AUTS2: variants seen among roughly 807,000 people sequenced by gnomAD.
AUTS2 encodes the protein activator of transcription and developmental regulator AUTS2.
A neutral mutation model predicts 112.4 loss-of-function variants in AUTS2; 17 were observed. The observed-to-expected ratio is 0.15, with a 90% CI of 0.10 to 0.23. The LOEUF is 0.23. Ranked by LOEUF, AUTS2 falls within the 10% of genes least tolerant of loss-of-function variation. The pLI, the probability that AUTS2 is intolerant of heterozygous loss-of-function variation, is 1.00. For missense variants in AUTS2, 1,510 were observed against 1,701.6 expected, an observed-to-expected ratio of 0.89 and a Z score of 1.98; for synonymous variants, 751 against 702.7, an observed-to-expected ratio of 1.07 and a Z score of -1.09.
intron 1 of AUTS2, among the ~76,000 whole-genome samples, chr7:69,649,256 G>A (rs1171300057): frequency 2.0e-5 from 3 of 152,164 alleles, no homozygotes; most frequent in Non-Finnish European, 4.4e-5. Context: ...AACAAAAACG[G>A]AGTTTGTCTT....
chr7:70,177,165 T>G (rs1809032405), intron 4 of AUTS2, among the ~76,000 whole-genome samples: 1 of 152,226 alleles, frequency 6.6e-6, no homozygotes, highest in African/African-American at 2.4e-5. Context: ...ATTTTATAAA[T>G]AATAGTAATC....
chr7:70,560,412 G>T (rs1801434395), intron 5 of AUTS2, among the ~76,000 whole-genome samples: 1 of 152,168 alleles, frequency 6.6e-6, no homozygotes, highest in Non-Finnish European at 1.5e-5. Context: ...TATCTGATGT[G>T]CCTCCAATGG....
chr7:69,911,426 G>C (rs1189264172), intron 2 of AUTS2, among the ~76,000 whole-genome samples: 1 of 152,294 alleles, frequency 6.6e-6, no homozygotes, highest in African/African-American at 2.4e-5. Flanking sequence ...TGGCGAGCAG[G>C]GGGGAAAGTG....
intron 5 of AUTS2, among the ~76,000 whole-genome samples, chr7:70,482,075 T>C (rs1797810486): frequency 6.6e-6 from 1 of 152,188 alleles, no homozygotes; most frequent in South Asian, 2.1e-4. Flanking sequence ...AGACCTAACC[T>C]TTCCATGGGA....
intron 2 of AUTS2, among the ~76,000 whole-genome samples, chr7:69,928,314 A>C (rs1455360838): frequency 6.6e-6 from 1 of 152,156 alleles, no homozygotes; most frequent in Non-Finnish European, 1.5e-5. Flanking sequence ...TATGGACTCC[A>C]CTCAGAACTG....
chr7:70,465,803 T>C (rs575663790), intron 5 of AUTS2, among the ~76,000 whole-genome samples: 2 of 152,232 alleles, frequency 1.3e-5, no homozygotes, highest in East Asian at 3.9e-4. Context: ...CTGGTCTTGC[T>C]CCAGGAGGCA....
At chr7:69,809,400 C>G (rs1286599628) in intron 1 of AUTS2, among the ~76,000 whole-genome samples, 1 of 152,170 alleles carries the variant, frequency 6.6e-6, no homozygotes, top group African/African-American at 2.4e-5. Flanking sequence ...CATTTTCTTA[C>G]CTTCCCATTC....
At chr7:70,430,142 C>T (rs1045289419) in intron 4 of AUTS2, among the ~76,000 whole-genome samples, 22 of 152,216 alleles carry the variant, frequency 1.4e-4, no homozygotes, top group South Asian at 4.1e-4. Context: ...GAATCAATAA[C>T]GTGGGGTGAG....
intron 5 of AUTS2, among the ~76,000 whole-genome samples, chr7:70,673,890 T>C (rs1028404758): frequency 1.3e-5 from 2 of 152,380 alleles, no homozygotes; most frequent in South Asian, 4.1e-4. Flanking sequence ...GGGTGCCTAC[T>C]CTATGCCTGC....
At chr7:69,692,857 A>C (rs1203538773) in intron 1 of AUTS2, among the ~76,000 whole-genome samples, 1 of 152,240 alleles carries the variant, frequency 6.6e-6, no homozygotes, top group Non-Finnish European at 1.5e-5. Context: ...TTACATGAAA[A>C]ATGTAACAGG....
intron 1 of AUTS2, among the ~76,000 whole-genome samples, chr7:69,871,806 CTA>C (rs2129535775): frequency 1.3e-5 from 2 of 152,262 alleles, no homozygotes; most frequent in East Asian, 3.9e-4. Flanking sequence ...AAATTTAAAA[CTA>C]TGAGTTGCTT....
intron 5 of AUTS2, among the ~76,000 whole-genome samples, chr7:70,659,369 A>G (rs73704593): frequency 0.031 from 4,730 of 152,274 alleles, 248 homozygotes; most frequent in African/African-American, 0.11. Flanking sequence ...TGGCCTGGAT[A>G]TTAAGATTTC....
At chr7:69,929,483 C>T (rs1456672046) in intron 2 of AUTS2, among the ~76,000 whole-genome samples, 3 of 151,860 alleles carry the variant, frequency 2.0e-5, no homozygotes, top group Non-Finnish European at 4.4e-5. Flanking sequence ...TCAGGGACTC[C>T]AATTAACCAG....
At chr7:70,353,131 G>T (rs980871572) in intron 4 of AUTS2, among the ~76,000 whole-genome samples, 2 of 152,132 alleles carry the variant, frequency 1.3e-5, no homozygotes, top group Non-Finnish European at 2.9e-5. Flanking sequence ...GAGAGGTTTT[G>T]ACCAGTTGCT....
At chr7:70,750,641 A>G (rs1372160583) in intron 6 of AUTS2, among the ~76,000 whole-genome samples, 1 of 152,136 alleles carries the variant, frequency 6.6e-6, no homozygotes, top group African/African-American at 2.4e-5. Flanking sequence ...GGCTCAAGTG[A>G]TCCGCCCACT....
intron 1 of AUTS2, among the ~76,000 whole-genome samples, chr7:69,619,899 CTG>C (rs1793579854): frequency 6.6e-6 from 1 of 152,156 alleles, no homozygotes; most frequent in Non-Finnish European, 1.5e-5. Context: ...AGATGTGTAA[CTG>C]TAATCCTCCT....
chr7:69,826,828 T>C (rs2129527019), intron 1 of AUTS2, among the ~76,000 whole-genome samples: 1 of 152,324 alleles, frequency 6.6e-6, no homozygotes, highest in Non-Finnish European at 1.5e-5. Context: ...TACATTTTTC[T>C]GGGGTGGTTT....
chr7:69,991,027 G>A (rs955350326), intron 2 of AUTS2, among the ~76,000 whole-genome samples: 2 of 152,230 alleles, frequency 1.3e-5, no homozygotes, highest in East Asian at 3.9e-4. Flanking sequence ...AGAAGGCTAT[G>A]GGGTCTTGTG....
intron 18 of AUTS2, among the ~76,000 whole-genome samples, chr7:70,788,806 T>C (rs533430543): frequency 6.6e-6 from 1 of 152,244 alleles, no homozygotes; most frequent in African/African-American, 2.4e-5. Context: ...CAAGCCAGCA[T>C]GGCAGCCTGC....
Sources: allele counts gnomAD v4.1 joint callset (sites outside exome capture counted in the v4.1 genomes callset), GRCh38; gene constraint gnomAD v4.1.1; transcripts MANE v1.5; gene names NCBI Gene and HGNC (gene_info 2026-07-23, HGNC 2026-07-21).